The following ROBO1 variants were observed in gnomAD, a reference collection of about 807,000 sequenced individuals.
ROBO1 encodes roundabout homolog 1.
Under a neutral mutation model 195.9 loss-of-function variants are expected in ROBO1, and 149 were observed. That is an observed-to-expected ratio of 0.76 (90% CI 0.67 to 0.87). The LOEUF is 0.87. ROBO1 is among the 40% of genes least tolerant of loss of function. ROBO1 has a pLI of 0.00. For synonymous variants in ROBO1, 816 were observed against 733.2 expected, an observed-to-expected ratio of 1.11 and a Z score of -1.82; for missense variants, 1,933 against 2,068.3, an observed-to-expected ratio of 0.93 and a Z score of 1.27.
intron 1 of ROBO1, among the ~76,000 whole-genome samples, chr3:79,608,662 T>G (rs1944562951): frequency 6.6e-6 from 1 of 152,014 alleles, no homozygotes; most frequent in South Asian, 2.1e-4. Context: ...AAGCATTTAT[T>G]TATTTATTTT....
chr3:79,724,142 G>C (rs1702813778), intron 1 of ROBO1, among the ~76,000 whole-genome samples: 1 of 152,146 alleles, frequency 6.6e-6, no homozygotes, highest in Admixed American at 6.5e-5. Context: ...CTTAATTCTA[G>C]ACTCCTATGC....
intron 2 of ROBO1, among the ~76,000 whole-genome samples, chr3:79,207,319 T>C (rs2081887494): frequency 1.3e-5 from 2 of 152,172 alleles, no homozygotes; most frequent in Admixed American, 1.3e-4. Flanking sequence ...CTCTTATTTG[T>C]CAACCTTTTT....
At chr3:79,188,203 T>C (rs13087706) in intron 2 of ROBO1, among the ~76,000 whole-genome samples, 1 of 151,876 alleles carries the variant, frequency 6.6e-6, no homozygotes, top group South Asian at 2.1e-4. Context: ...ATTTTTACTG[T>C]TTTTATAACT....
intron 2 of ROBO1, among the ~76,000 whole-genome samples, chr3:79,413,366 G>A (rs1432502848): frequency 6.6e-6 from 1 of 151,996 alleles, no homozygotes; most frequent in Non-Finnish European, 1.5e-5. Flanking sequence ...GTGGCCAGGT[G>A]CAGAGAAAAG....
intron 4 of ROBO1, among the ~76,000 whole-genome samples, chr3:78,882,074 T>G (rs1315065337): frequency 1.4e-5 from 2 of 139,414 alleles, no homozygotes; most frequent in Non-Finnish European, 3.2e-5. Flanking sequence ...TAAAAAAAAG[T>G]AGATTTTGGA....
At chr3:79,039,387 T>G (rs957038310) in intron 3 of ROBO1, among the ~76,000 whole-genome samples, 1 of 152,196 alleles carries the variant, frequency 6.6e-6, no homozygotes, top group Non-Finnish European at 1.5e-5. Flanking sequence ...AATTGAATTG[T>G]CAACTTGAGT....
At chr3:78,966,617 T>C (rs988550671) in intron 3 of ROBO1, among the ~76,000 whole-genome samples, 16 of 152,306 alleles carry the variant, frequency 1.1e-4, no homozygotes, top group African/African-American at 2.6e-4. Flanking sequence ...TAACAGGAAA[T>C]AGGTATTTGT....
At chr3:78,637,441 T>C (rs1004712114) in intron 22 of ROBO1, among the ~76,000 whole-genome samples, 1 of 152,226 alleles carries the variant, frequency 6.6e-6, no homozygotes, top group African/African-American at 2.4e-5. Context: ...CAACAGAACT[T>C]TGGAGATATT....
rs1258485985 is a variant in ROBO1 at position 78,606,812 on chromosome 3, T to G, written c.4665A>C (p.Glu1555Asp). ...CACGTCCTTTCCCGTCATTTTGCTGTTCCTGTGCTTCTCTGGGATCACCTG... is the reference window on the plus strand; with the variant it reads ...CACGTCCTTTCCCGTCATTTTGCTGGTCCTGTGCTTCTCTGGGATCACCTG... Reference protein sequence around the residue: ...TNPGDPREAQEQQNDGKGRGN... With the variant: ...TNPGDPREAQDQQNDGKGRGN... Residue 1555 changes from glutamate (E) to aspartate (D), a missense_variant, in exon 29 of 31, where the codon GAA (glutamate) becomes GAC (aspartate). Transcript: ENST00000464233. The G allele has an allele frequency of 2.5e-6, 4 of 1,613,958 alleles. No homozygotes were observed. Among genetic ancestry groups the G allele is most frequent in the Non-Finnish European group, 3.4e-6 (4 of 1,179,892 alleles).
chr3:78,668,621 GA>G, intron 11 of ROBO1, 56 bp from the exon 12 acceptor site: 2 of 1,533,532 alleles, frequency 1.3e-6, no homozygotes, highest in Non-Finnish European at 1.8e-6. Context: ...CACTGGGCTG[GA>G]AAAGCAATTA....
intron 2 of ROBO1, among the ~76,000 whole-genome samples, chr3:79,292,933 A>C (rs1380585297): frequency 6.6e-6 from 1 of 152,134 alleles, no homozygotes; most frequent in Admixed American, 6.5e-5. Context: ...ATTATTTGGA[A>C]TAGTTTCAGA....
chr3:78,714,591 C>T (rs1181318221), intron 7 of ROBO1, 67 bp from the exon 8 acceptor site: 32 of 1,422,270 alleles, frequency 2.2e-5, no homozygotes, highest in Non-Finnish European at 2.9e-5. Flanking sequence ...TTATTATACA[C>T]ACAATGCTTC....
At chr3:79,206,595 G>A (rs531261340) in intron 2 of ROBO1, among the ~76,000 whole-genome samples, 1 of 152,242 alleles carries the variant, frequency 6.6e-6, no homozygotes, top group East Asian at 1.9e-4. Context: ...CTGAGGACAA[G>A]GAGAGATCAT....
chr3:78,958,342 A>T (rs2041150913), intron 3 of ROBO1, among the ~76,000 whole-genome samples: 2 of 152,366 alleles, frequency 1.3e-5, no homozygotes, highest in East Asian at 1.9e-4. Context: ...GAACTAAAAC[A>T]TTTAAACATT....
At chr3:78,657,039 C>A in intron 18 of ROBO1, 59 bp downstream of exon 18, 1 of 1,472,540 alleles carries the variant, frequency 6.8e-7, no homozygotes, top group South Asian at 1.4e-5. Flanking sequence ...TGCAAAAAAG[C>A]AAAGTGGGAC....
At chr3:78,798,023 A>G (rs530696844) in intron 4 of ROBO1, among the ~76,000 whole-genome samples, 96 of 152,182 alleles carry the variant, frequency 6.3e-4, no homozygotes, top group Non-Finnish European at 1.0e-3. Flanking sequence ...AACTGTTGAG[A>G]AATGCATGCT....
chr3:79,318,029 C>T (rs1016768008), intron 2 of ROBO1, among the ~76,000 whole-genome samples: 2 of 152,272 alleles, frequency 1.3e-5, no homozygotes, highest in African/African-American at 4.8e-5. Context: ...CAAAGGTCAG[C>T]AGGTTGCTGT....
chr3:79,279,929 AATAAT>A (rs1249001922), intron 2 of ROBO1, among the ~76,000 whole-genome samples: 1 of 152,268 alleles, frequency 6.6e-6, no homozygotes, highest in Admixed American at 6.5e-5. Context: ...AAAAGAATGA[AATAAT>A]ATAATTCATG....
chr3:79,269,145 T>C (rs2030280182), intron 2 of ROBO1, among the ~76,000 whole-genome samples: 1 of 151,638 alleles, frequency 6.6e-6, no homozygotes, highest in Admixed American at 6.6e-5. Flanking sequence ...TCTAAATACA[T>C]GTGTTTGCAG....
Sources: gnomAD v4.1 joint callset for allele counts (sites outside exome capture counted in the v4.1 genomes callset) on GRCh38, gnomAD v4.1.1 for gene constraint, MANE v1.5 for transcripts, NCBI Gene and HGNC (gene_info 2026-07-23, HGNC 2026-07-21) for gene names.